The following SEMA4B variants were observed in gnomAD, a reference collection of about 807,000 sequenced individuals.
SEMA4B encodes the protein semaphorin-4B.
SEMA4B carries 55 observed loss-of-function variants against 88.1 expected under a neutral mutation model. That is an observed-to-expected ratio of 0.62 (90% CI 0.50 to 0.78). SEMA4B has a LOEUF of 0.78. Among genes scored for constraint, SEMA4B ranks in the 30% least tolerant of loss-of-function variants. The pLI is 0.00. For synonymous variants in SEMA4B, 525 were observed against 473.6 expected (o/e 1.11, Z -1.41); for missense variants, 1,062 against 1,111.9 (o/e 0.96, Z 0.64).
At chr15:90,186,615 C>T (rs905171097) in intron 1 of SEMA4B, among the ~76,000 whole-genome samples, 12 of 151,288 alleles carry the variant, frequency 7.9e-5, no homozygotes, top group African/African-American at 2.7e-4. Flanking sequence ...AGTGAAACTC[C>T]ATCTCAAAAA....
intron 1 of SEMA4B, among the ~76,000 whole-genome samples, chr15:90,210,901 C>G (rs1243565519): frequency 1.3e-5 from 2 of 152,062 alleles, no homozygotes; most frequent in East Asian, 3.9e-4. Context: ...TCTTTGGGAG[C>G]TTGTCTAAGG....
At chr15:90,197,522 C>T (rs1051543064), upstream of SEMA4B, among the ~76,000 whole-genome samples, 5 of 151,482 alleles carry the variant, frequency 3.3e-5, no homozygotes, top group African/African-American at 9.8e-5. Flanking sequence ...ACTGCAAGCT[C>T]CGCCTCCCGG....
intron 1 of SEMA4B, chr15:90,206,784 ACCAAAT>A (rs1567048970): frequency 1.3e-6 from 1 of 747,528 alleles, no homozygotes; most frequent in Admixed American, 1.8e-5. Flanking sequence ...TGTGCTGAGC[ACCAAAT>A]CAACCTAATT....
chr15:90,186,300 A>C (rs1158490358), intron 1 of SEMA4B, among the ~76,000 whole-genome samples: 1 of 152,066 alleles, frequency 6.6e-6, no homozygotes, highest in Non-Finnish European at 1.5e-5. Context: ...CCTGGGGCTC[A>C]AACTGTTGGT....
At chr15:90,199,719 G>A (rs1383743125), upstream of SEMA4B, among the ~76,000 whole-genome samples, 3 of 152,078 alleles carry the variant, frequency 2.0e-5, no homozygotes, top group African/African-American at 7.2e-5. Flanking sequence ...TCAGCTACTC[G>A]GGAGGCTGAG....
At chr15:90,214,527 G>A (rs1241553067) in intron 1 of SEMA4B, among the ~76,000 whole-genome samples, 1 of 151,272 alleles carries the variant, frequency 6.6e-6, no homozygotes, top group Non-Finnish European at 1.5e-5. Flanking sequence ...CAGCTACTCA[G>A]GAGGCTGAGG....
chr15:90,227,793 C>T (rs952859904), intron 13 of SEMA4B, 111 bp from the exon 14 acceptor site: 3 of 1,524,648 alleles, frequency 2.0e-6, no homozygotes, highest in African/African-American at 2.7e-5. Flanking sequence ...TCCCAGGGGT[C>T]CCCGGAGTTG....
chr15:90,196,643 C>A (rs1274370839), upstream of SEMA4B, among the ~76,000 whole-genome samples: 1 of 151,982 alleles, frequency 6.6e-6, no homozygotes, highest in East Asian at 1.9e-4. Flanking sequence ...CGTGCCACCA[C>A]GCCCAGCTAA....
chr15:90,201,376 G>A lies in SEMA4B; in HGVS notation c.-203G>A. On this transcript the variant is annotated 5_prime_UTR_variant, in exon 1 of 14. Transcript: ENST00000411539. ...AAGCCGAGGCTGCGGGGCCGGCGCC[G>A]GCGGGAGGACTGCGGTGCCCCGCGG... 1 of 1,251,712 alleles carries A rather than the reference G, an allele frequency of 8.0e-7. No homozygotes were observed. The highest frequency in any genetic ancestry group is 1.0e-6 in the Non-Finnish European group (1 of 998,456). 77.5% of individuals were successfully genotyped at this position (1,251,712 alleles called of 1,614,324 possible).
intron 1 of SEMA4B, among the ~76,000 whole-genome samples, chr15:90,215,899 G>A (rs943525803): frequency 3.3e-5 from 5 of 152,192 alleles, no homozygotes; most frequent in Non-Finnish European, 4.4e-5. Context: ...AAGCAAAAAC[G>A]TCTGTCCTCC....
intron 1 of SEMA4B, among the ~76,000 whole-genome samples, chr15:90,204,694 C>T (rs748919990): frequency 2.0e-5 from 3 of 152,172 alleles, no homozygotes; most frequent in Non-Finnish European, 2.9e-5. Flanking sequence ...AGCCTGGCCA[C>T]GTGGGGAGAA....
chr15:90,198,913 G>A (rs908389506), upstream of SEMA4B, among the ~76,000 whole-genome samples: 10 of 152,172 alleles, frequency 6.6e-5, no homozygotes, highest in Non-Finnish European at 1.0e-4. Context: ...TGTAGCCCAG[G>A]CTGGAGTGCA....
chr15:90,193,635 G>A (rs1228147035), intron 1 of SEMA4B: 1 of 152,206 alleles, frequency 6.6e-6, no homozygotes, highest in East Asian at 1.9e-4. Flanking sequence ...CACAACTCAT[G>A]TGTTGCCAAG....
intron 1 of SEMA4B, among the ~76,000 whole-genome samples, chr15:90,203,784 G>A (rs7164703): frequency 0.37 from 56,674 of 152,024 alleles, 11,359 homozygotes; most frequent in East Asian, 0.69. Context: ...CAACCTAAGA[G>A]TCCTGGAGCA....
At chr15:90,215,340 G>A (rs990050027) in intron 1 of SEMA4B, among the ~76,000 whole-genome samples, 4 of 151,904 alleles carry the variant, frequency 2.6e-5, no homozygotes, top group Admixed American at 1.3e-4. Context: ...TTCTACCAGG[G>A]AGCCCATGTT....
At position 90,225,295 on chromosome 15, in the gene SEMA4B, C is replaced by G. The variant is rs1321815113; in HGVS notation, c.1419C>G (p.Leu473=). 2 of 1,558,128 alleles carry G rather than the reference C, an allele frequency of 1.3e-6. No homozygotes were observed. Among genetic ancestry groups the G allele is most frequent in the Non-Finnish European group, 8.7e-7 (1 of 1,151,444 alleles). The change falls in exon 11 of 14, where the codon CTC becomes CTG. Residue 473 remains leucine (L), a synonymous_variant. Coordinates refer to ENST00000411539, the MANE Select transcript of SEMA4B (RefSeq NM_198925.4). Reference sequence around the variant, plus strand: ...TCCACACCCCAGGTGACGGCCGGCTCCACAAGGCAGTGAGCGTGGGCCCCC... The same window carrying G: ...TCCACACCCCAGGTGACGGCCGGCTGCACAAGGCAGTGAGCGTGGGCCCCC... ...VLFLGTGDGR[L]HKAVSVGPRV...
Position 90,225,322 on chromosome 15 carries a change from G to C in SEMA4B, c.1446G>C (p.Arg482=), listed in dbSNP as rs1225788557. 3.2e-6 allele frequency: 5 copies of C among 1,558,816 alleles called. No individual in the cohort carries two copies. In the Admixed American group the frequency reaches 7.7e-5, roughly 24 times the overall value. ...RLHKAVSVGP[R]VHIIEELQIF... ...ACAAGGCAGTGAGCGTGGGCCCCCG[G>C]GTGCACATCATTGAGGAGCTGCAGA... The change falls in exon 11 of 14, where the codon CGG becomes CGC. Residue 482 remains arginine (R), a synonymous_variant. Transcript: ENST00000411539.
intron 12 of SEMA4B, among the ~76,000 whole-genome samples, chr15:90,226,277 A>G (rs1371425410): frequency 6.6e-6 from 1 of 152,178 alleles, no homozygotes; most frequent in Admixed American, 6.5e-5. Context: ...AGATTTTGAT[A>G]TATTATCCTC....
At chr15:90,188,688 G>GT (rs1207294572) in intron 1 of SEMA4B, among the ~76,000 whole-genome samples, 1 of 151,306 alleles carries the variant, frequency 6.6e-6, no homozygotes. Flanking sequence ...TTTTTTGTTT[G>GT]TTTTTTGAGA....
Sources: allele counts gnomAD v4.1 joint callset (sites outside exome capture counted in the v4.1 genomes callset), GRCh38; gene constraint gnomAD v4.1.1; transcripts MANE v1.5; gene names NCBI Gene and HGNC (gene_info 2026-07-23, HGNC 2026-07-21).